The following ACP3 variants were observed in gnomAD, a reference collection of about 807,000 sequenced individuals.
The protein encoded by ACP3 is acid phosphatase 3.
In ACP3, 38 loss-of-function variants were observed where a neutral mutation model predicts 45.6. The observed-to-expected ratio is 0.83, with a 90% CI of 0.64 to 1.09. The LOEUF is 1.09. ACP3 is among the 50% of genes least tolerant of loss of function. ACP3 has a pLI of 0.00. For missense variants in ACP3, 466 were observed against 463.2 expected (o/e 1.01, Z -0.05); for synonymous variants, 162 against 164.7 (o/e 0.98, Z 0.13).
intron 10 of ACP3, among the ~76,000 whole-genome samples, chr3:132,367,281 A>G (rs1043953388): frequency 3.9e-5 from 6 of 152,226 alleles, no homozygotes; most frequent in African/African-American, 1.2e-4. Context: ...CTCTTCAACA[A>G]ATATTTACCT....
exon 11 of ACP3, chr3:132,367,882 C>A: frequency 8.0e-7 from 1 of 1,248,918 alleles, no homozygotes; most frequent in Non-Finnish European, 1.2e-6. Flanking sequence ...AGTGGTGCCG[C>A]ATCTAAAGGA....
chr3:132,358,357 CA>C lies in ACP3; in HGVS notation c.*1483del, dbSNP rs1224755491. ...GTGGTTACGAAATACGTTAGGAGGA[CA>C]AAAGGAATGTGTAAGTCTTTAATGC... On this transcript the variant is annotated 3_prime_UTR_variant, in exon 10 of 10. Transcript: ENST00000336375. 1.7e-6 allele frequency: 2 copies of C among 1,169,124 alleles called. No homozygotes were observed. The highest frequency in any genetic ancestry group is 1.1e-6 in the Non-Finnish European group (1 of 918,134). 72.4% of individuals were successfully genotyped at this position (1,169,124 alleles called of 1,614,324 possible).
At chr3:132,342,167 AG>A (rs1937559182) in intron 5 of ACP3, among the ~76,000 whole-genome samples, 1 of 152,242 alleles carries the variant, frequency 6.6e-6, no homozygotes, top group Admixed American at 6.5e-5. Context: ...AGCACGAACC[AG>A]GAACATGTGG....
At chr3:132,355,684 A>C (rs1434824045) in intron 9 of ACP3, among the ~76,000 whole-genome samples, 1 of 151,800 alleles carries the variant, frequency 6.6e-6, no homozygotes, top group Non-Finnish European at 1.5e-5. Context: ...CACCCAGCTA[A>C]TTTTTGTATT....
chr3:132,330,726 C>A (rs1160002405), intron 2 of ACP3, among the ~76,000 whole-genome samples: 1 of 152,146 alleles, frequency 6.6e-6, no homozygotes, highest in Non-Finnish European at 1.5e-5. Context: ...AAGCAGCAGC[C>A]ACCGTAACAA....
chr3:132,338,519 TGGGATAATATCCTA>T (rs1937520267), intron 5 of ACP3, among the ~76,000 whole-genome samples: 1 of 152,244 alleles, frequency 6.6e-6, no homozygotes, highest in Admixed American at 6.5e-5. Context: ...AGAATACCTG[TGGGATAATATCCTA>T]GAAGTAGACA....
chr3:132,334,777 G>A (rs1156943408), intron 4 of ACP3, among the ~76,000 whole-genome samples: 12 of 152,194 alleles, frequency 7.9e-5, no homozygotes, highest in Admixed American at 3.9e-4. Flanking sequence ...TAGCCAGGAG[G>A]AATCTTGAGT....
downstream of ACP3, among the ~76,000 whole-genome samples, chr3:132,363,497 T>A (rs1938080752): frequency 6.6e-6 from 1 of 152,224 alleles, no homozygotes; most frequent in Non-Finnish European, 1.5e-5. Context: ...TTCTACTGCA[T>A]CTCTTGAATT....
chr3:132,354,002 T>G (rs1215640816), intron 9 of ACP3, among the ~76,000 whole-genome samples: 1 of 152,182 alleles, frequency 6.6e-6, no homozygotes, highest in African/African-American at 2.4e-5. Context: ...AATGTGGTCT[T>G]AGTTAACCTT....
At chr3:132,333,038 A>G (rs143734513) in intron 4 of ACP3, among the ~76,000 whole-genome samples, 389 of 152,264 alleles carry the variant, frequency 2.6e-3, no homozygotes, top group African/African-American at 8.9e-3. Flanking sequence ...ACTTAGCTGC[A>G]TATTAGGATC....
At chr3:132,342,097 T>A (rs184597936) in intron 5 of ACP3, among the ~76,000 whole-genome samples, 33 of 152,358 alleles carry the variant, frequency 2.2e-4, no homozygotes, top group African/African-American at 7.9e-4. Flanking sequence ...TATTTACACA[T>A]GAGTTATACT....
chr3:132,353,501 T>C (rs1937808624), intron 9 of ACP3, among the ~76,000 whole-genome samples: 1 of 152,178 alleles, frequency 6.6e-6, no homozygotes, highest in Non-Finnish European at 1.5e-5. Context: ...GACATTCTCA[T>C]TGGGAGGAGA....
In ACP3 at chr3:132,349,959, C is replaced by A. The variant is rs374283820; in HGVS notation, c.821C>A (p.Ala274Glu). 1 of 1,612,816 alleles carries A rather than the reference C, an allele frequency of 6.2e-7. No homozygotes were observed. The highest frequency in any genetic ancestry group is 1.7e-5 in the Admixed American group (1 of 60,004). The change falls in exon 8 of 10, where the codon GCA becomes GAA. Residue 274 changes from alanine (A) to glutamate (E), a missense_variant. Coordinates refer to ENST00000336375, the MANE Select transcript of ACP3 (RefSeq NM_001099.5). ...VNEILNHMKR[A>E]TQIPSYKKLI... ...GAAATCCTCAATCACATGAAGAGAGCAACTCAGATACCAAGCTACAAAAAA... is the reference window on the plus strand; with the variant it reads ...GAAATCCTCAATCACATGAAGAGAGAAACTCAGATACCAAGCTACAAAAAA...
downstream of ACP3, among the ~76,000 whole-genome samples, chr3:132,359,661 T>C (rs309993): frequency 0.099 from 15,077 of 152,190 alleles, 1,549 homozygotes; most frequent in East Asian, 0.49. Context: ...CTCTTGTAAA[T>C]CTACCTGTGG....
chr3:132,322,994 C>T lies in ACP3; in HGVS notation c.121-5273C>T, dbSNP rs1334496597. 2.0e-5 allele frequency among the ~76,000 whole-genome samples: 3 copies of T among 152,216 alleles called. No homozygotes were observed. In the East Asian group the frequency reaches 5.8e-4, roughly 29 times the overall value. On this transcript the variant is annotated intron_variant, in intron 1 of 9. Coordinates refer to ENST00000336375, the MANE Select transcript of ACP3 (RefSeq NM_001099.5). Reference sequence around the variant, plus strand: ...CCTTCTGCCATGTTATGACACAGCACAAGGCCCTCACCAGAAGCTGACTAG... The same window carrying T: ...CCTTCTGCCATGTTATGACACAGCATAAGGCCCTCACCAGAAGCTGACTAG...
At chr3:132,347,722 G>C (rs1040600398) in intron 7 of ACP3, among the ~76,000 whole-genome samples, 6 of 151,994 alleles carry the variant, frequency 3.9e-5, no homozygotes, top group African/African-American at 1.5e-4. Flanking sequence ...GGGCTCAAGC[G>C]ATCCTCCACC....
At chr3:132,331,099 G>T (rs1024028869) in intron 2 of ACP3, among the ~76,000 whole-genome samples, 6 of 152,222 alleles carry the variant, frequency 3.9e-5, no homozygotes, top group Admixed American at 6.5e-5. Context: ...TGGGGCCCAA[G>T]AATTTGATTT....
chr3:132,326,391 A>G (rs1576409036), intron 1 of ACP3, among the ~76,000 whole-genome samples: 1 of 152,202 alleles, frequency 6.6e-6, no homozygotes, highest in Non-Finnish European at 1.5e-5. Flanking sequence ...AGAGGCATCA[A>G]TGATTAACCA....
At chr3:132,324,392 A>G (rs541062472) in intron 1 of ACP3, among the ~76,000 whole-genome samples, 16 of 152,246 alleles carry the variant, frequency 1.1e-4, no homozygotes, top group South Asian at 6.2e-4. Flanking sequence ...CCTTTTAAAA[A>G]CAGTTACCTA....
Sources: gnomAD v4.1 joint callset for allele counts (sites outside exome capture counted in the v4.1 genomes callset) on GRCh38, gnomAD v4.1.1 for gene constraint, MANE v1.5 for transcripts, NCBI Gene and HGNC (gene_info 2026-07-23, HGNC 2026-07-21) for gene names.